Variants in CERKL observed in about 807,000 individuals in gnomAD.
CERKL encodes the protein ceramide kinase-like protein.
A neutral mutation model predicts 63.4 loss-of-function variants in CERKL; 61 were observed. The ratio of observed to expected loss-of-function variants is 0.96; its 90% CI spans 0.78 to 1.19. The LOEUF (loss-of-function observed/expected upper bound fraction) is 1.19. Among genes scored for constraint, CERKL ranks in the 50% most tolerant of loss-of-function variants. The pLI is 0.00. For synonymous variants in CERKL, 250 were observed against 230.5 expected (o/e 1.08, Z -0.77); for missense variants, 675 against 655.5 (o/e 1.03, Z -0.33).
intron 2 of CERKL, among the ~76,000 whole-genome samples, chr2:181,579,020 G>A (rs556861783): frequency 2.6e-5 from 4 of 151,956 alleles, no homozygotes; most frequent in Non-Finnish European, 4.4e-5. Context: ...GCGACCAAAA[G>A]TGGACACTTG....
At chr2:181,541,766 C>G (rs150095857) in intron 11 of CERKL, among the ~76,000 whole-genome samples, 109 of 152,228 alleles carry the variant, frequency 7.2e-4, no homozygotes, top group African/African-American at 2.6e-3. Flanking sequence ...AGTTAGGGGA[C>G]TGGTAGTGAG....
intron 3 of CERKL, among the ~76,000 whole-genome samples, chr2:181,571,329 T>C (rs1359429597): frequency 2.0e-5 from 3 of 152,156 alleles, no homozygotes; most frequent in Non-Finnish European, 4.4e-5. Context: ...TACGGAATAT[T>C]CTATTGTTTT....
chr2:181,591,904 T>C (rs1414987741), intron 2 of CERKL, among the ~76,000 whole-genome samples: 2 of 152,160 alleles, frequency 1.3e-5, no homozygotes, highest in African/African-American at 4.8e-5. Flanking sequence ...CAAGAGTTTC[T>C]TAGAGAAATG....
intron 2 of CERKL, among the ~76,000 whole-genome samples, chr2:181,590,585 GA>G (rs1439974922): frequency 2.0e-5 from 3 of 151,618 alleles, no homozygotes; most frequent in Middle Eastern, 3.4e-3. Flanking sequence ...AATTGAGGAG[GA>G]AAAAAAACCA....
At chr2:181,600,442 C>T (rs1275975016) in intron 2 of CERKL, among the ~76,000 whole-genome samples, 1 of 152,112 alleles carries the variant, frequency 6.6e-6, no homozygotes, top group Admixed American at 6.6e-5. Context: ...TTTTAAATGA[C>T]CTAACCTTCT....
chr2:181,605,105 C>T (rs959035448), intron 1 of CERKL, among the ~76,000 whole-genome samples: 1 of 152,190 alleles, frequency 6.6e-6, no homozygotes, highest in African/African-American at 2.4e-5. Flanking sequence ...CATTGGACAT[C>T]AGGTAACACA....
chr2:181,578,004 C>G (rs1684327003), intron 2 of CERKL, among the ~76,000 whole-genome samples: 1 of 152,094 alleles, frequency 6.6e-6, no homozygotes, highest in Non-Finnish European at 1.5e-5. Flanking sequence ...TGCAAACATT[C>G]TATATTTGAG....
intron 2 of CERKL, among the ~76,000 whole-genome samples, chr2:181,590,630 G>A (rs1195058214): frequency 6.6e-6 from 1 of 151,966 alleles, no homozygotes; most frequent in Non-Finnish European, 1.5e-5. Context: ...ATAATATGAA[G>A]ATAATTCACA....
chr2:181,579,218 A>T (rs1684394411), intron 2 of CERKL, among the ~76,000 whole-genome samples: 1 of 151,768 alleles, frequency 6.6e-6, no homozygotes, highest in South Asian at 2.1e-4. Flanking sequence ...TATTCAGTAA[A>T]TTTTTCTCTT....
intron 4 of CERKL, among the ~76,000 whole-genome samples, chr2:181,560,197 G>A (rs1384217794): frequency 1.3e-5 from 2 of 152,030 alleles, no homozygotes; most frequent in African/African-American, 4.8e-5. Context: ...GAACTTAAAC[G>A]TAACCCTCAA....
At chr2:181,632,445 T>C (rs542675901) in intron 1 of CERKL, among the ~76,000 whole-genome samples, 1 of 152,310 alleles carries the variant, frequency 6.6e-6, no homozygotes, top group East Asian at 1.9e-4. Flanking sequence ...CATAGAATGA[T>C]TAAACAAATT....
At chr2:181,541,039 A>G (rs1040849791) in intron 11 of CERKL, among the ~76,000 whole-genome samples, 1 of 152,232 alleles carries the variant, frequency 6.6e-6, no homozygotes, top group African/African-American at 2.4e-5. Flanking sequence ...TAGGTGCTCA[A>G]CATCATGCCC....
Position 181,634,886 on chromosome 2 carries a change from G to A in CERKL, c.238+21883C>T, listed in dbSNP as rs77555766. On this transcript the variant is annotated intron_variant, in intron 1 of 12. Transcript: ENST00000410087. ...TGTATTATCACCTTCAATAGCAGAA[G>A]GCTGAGATCTTCTAGAATATTCCTT... 7.7e-3 allele frequency among the ~76,000 whole-genome samples: 1,178 copies of A among 152,232 alleles called. 26 individuals carry two copies. Among genetic ancestry groups the A allele is most frequent in the African/African-American group, 0.027 (1,114 of 41,562 alleles).
chr2:181,596,334 C>G (rs189606514), intron 2 of CERKL, among the ~76,000 whole-genome samples: 116 of 152,218 alleles, frequency 7.6e-4, no homozygotes, highest in African/African-American at 2.7e-3. Context: ...AAAAATATAA[C>G]CCTCTCTTAG....
chr2:181,544,728 A>G lies in CERKL; in HGVS notation c.1337T>C (p.Leu446Pro). 6.2e-7 allele frequency: 1 copy of G among 1,606,596 alleles called. No homozygotes were observed. The highest frequency in any genetic ancestry group is 1.7e-5 in the Admixed American group (1 of 59,746). Residue 446 changes from leucine to proline, a missense_variant, in exon 11 of 13, where the codon CTG becomes CCG. By Grantham distance (98) the Leu-to-Pro change is moderately conservative (BLOSUM62 -3). Transcript: ENST00000410087. ...ATTTTTTACACTGGCATATCTTTTC[A>G]GGTGTTTTATAAATTCTGGCCGAGA... The part of the protein sequence containing the change: ...NTSRPEFIKH[L>P]KRYASVKNQF...
chr2:181,614,727 T>C (rs1361041806), intron 1 of CERKL, among the ~76,000 whole-genome samples: 1 of 152,078 alleles, frequency 6.6e-6, no homozygotes, highest in Non-Finnish European at 1.5e-5. Context: ...TACAGCCCAA[T>C]ACATACAGAC....
At chr2:181,606,378 G>A (rs867273077) in intron 1 of CERKL, among the ~76,000 whole-genome samples, 515 of 6,166 alleles carry the variant, frequency 0.084, 21 homozygotes, top group South Asian at 0.3. Context: ...GGAGAGGAGG[G>A]GGAGGGGAGG....
intron 1 of CERKL, among the ~76,000 whole-genome samples, chr2:181,625,007 G>A (rs979595393): frequency 2.6e-5 from 4 of 152,154 alleles, no homozygotes; most frequent in African/African-American, 4.8e-5. Flanking sequence ...GATAGTATTT[G>A]AAGCCAGAAA....
chr2:181,649,368 A>G (rs893954451), intron 1 of CERKL, among the ~76,000 whole-genome samples: 1 of 152,248 alleles, frequency 6.6e-6, no homozygotes, highest in Admixed American at 6.5e-5. Context: ...TTATAAACAT[A>G]CATGTACCTA....
Sources: gnomAD v4.1 joint callset for allele counts (sites outside exome capture counted in the v4.1 genomes callset) on GRCh38, gnomAD v4.1.1 for gene constraint, MANE v1.5 for transcripts, NCBI Gene and HGNC (gene_info 2026-07-23, HGNC 2026-07-21) for gene names.